Variants in SLC39A12 observed in about 807,000 individuals in gnomAD.
The protein encoded by SLC39A12 is zinc transporter ZIP12.
A neutral mutation model predicts 71.1 loss-of-function variants in SLC39A12; 63 were observed. The ratio of observed to expected loss-of-function variants is 0.89; its 90% CI spans 0.72 to 1.09. The LOEUF (loss-of-function observed/expected upper bound fraction) is 1.09. SLC39A12 is among the 50% of genes least tolerant of loss of function. The pLI is 0.00. For synonymous variants in SLC39A12, 351 were observed against 301.3 expected, an observed-to-expected ratio of 1.16 and a Z score of -1.71; for missense variants, 892 against 812.6, an observed-to-expected ratio of 1.10 and a Z score of -1.19.
At chr10:17,952,458 T>C (rs1834424960) in intron 1 of SLC39A12, among the ~76,000 whole-genome samples, 1 of 151,834 alleles carries the variant, frequency 6.6e-6, no homozygotes, top group South Asian at 2.1e-4. Context: ...CTTTTCCTTG[T>C]CTAAAACTCT....
chr10:17,998,627 T>C (rs1247710313), intron 10 of SLC39A12, among the ~76,000 whole-genome samples: 1 of 152,182 alleles, frequency 6.6e-6, no homozygotes, highest in African/African-American at 2.4e-5. Context: ...TAAAATAAGT[T>C]AGTGAACCAC....
chr10:17,995,849 C>A, intron 10 of SLC39A12, 127 bp downstream of exon 10: 2 of 732,588 alleles, frequency 2.7e-6, no homozygotes, highest in Non-Finnish European at 2.1e-6. Flanking sequence ...AAAAACTTTG[C>A]AATAGGATTT....
At chr10:18,022,624 T>C (rs527454555) in intron 12 of SLC39A12, among the ~76,000 whole-genome samples, 2 of 152,334 alleles carry the variant, frequency 1.3e-5, no homozygotes, top group Non-Finnish European at 2.9e-5. Context: ...CTCAATTCTA[T>C]GTCTTTCATT....
intron 12 of SLC39A12, among the ~76,000 whole-genome samples, chr10:18,014,085 C>G (rs1836311214): frequency 6.6e-6 from 1 of 152,098 alleles, no homozygotes; most frequent in Non-Finnish European, 1.5e-5. Flanking sequence ...ATTTTCCAAT[C>G]CATGAACGTG....
At chr10:17,983,631 A>T (rs1300365244) in intron 6 of SLC39A12, among the ~76,000 whole-genome samples, 2 of 151,940 alleles carry the variant, frequency 1.3e-5, no homozygotes, top group Admixed American at 6.6e-5. Context: ...AAAATACAAA[A>T]ATTAGCTGAG....
chr10:17,987,389 G>T, intron 6 of SLC39A12, 90 bp from the exon 7 acceptor site: 1 of 1,220,852 alleles, frequency 8.2e-7, no homozygotes, highest in Non-Finnish European at 1.2e-6. Context: ...GGCTGTTACT[G>T]TAAGACCAAT....
At chr10:17,956,154 A>C (rs1382143466) in intron 2 of SLC39A12, among the ~76,000 whole-genome samples, 1 of 152,158 alleles carries the variant, frequency 6.6e-6, no homozygotes, top group Admixed American at 6.5e-5. Context: ...TGTGAAAATC[A>C]CACGGACATG....
Position 18,037,064 on chromosome 10 carries a change from G to A in SLC39A12, c.1948-5641G>A, listed in dbSNP as rs542781669. Reference sequence around the variant, plus strand: ...GGCCTCCCAAAGTGCTGGGATTACAGGTGTGAGCCACCATGCCCAGCCTAA... The same window carrying A: ...GGCCTCCCAAAGTGCTGGGATTACAAGTGTGAGCCACCATGCCCAGCCTAA... On this transcript the variant is annotated intron_variant, in intron 12 of 12. Coordinates refer to ENST00000377369, the MANE Select transcript of SLC39A12 (RefSeq NM_001145195.2). 6.6e-5 allele frequency among the ~76,000 whole-genome samples: 10 copies of A among 151,938 alleles called. No homozygotes were observed. In the South Asian group the frequency reaches 2.1e-3, roughly 32 times the overall value.
chr10:17,972,227 T>C (rs1279975230), intron 4 of SLC39A12, among the ~76,000 whole-genome samples: 1 of 152,254 alleles, frequency 6.6e-6, no homozygotes. Flanking sequence ...TTAAAAAATA[T>C]GTTGAGACTA....
At chr10:18,014,833 G>T (rs1836331128) in intron 12 of SLC39A12, among the ~76,000 whole-genome samples, 1 of 152,122 alleles carries the variant, frequency 6.6e-6, no homozygotes, top group African/African-American at 2.4e-5. Flanking sequence ...ACTAACACAG[G>T]TTTACAAATC....
intron 8 of SLC39A12, among the ~76,000 whole-genome samples, chr10:17,992,024 G>A (rs942157586): frequency 6.8e-6 from 1 of 147,078 alleles, no homozygotes; most frequent in Admixed American, 7.0e-5. Context: ...AAGAGGTAGA[G>A]GTTGCAGTGA....
At chr10:17,980,730 GTC>G (rs1835232144) in intron 5 of SLC39A12, among the ~76,000 whole-genome samples, 1 of 152,148 alleles carries the variant, frequency 6.6e-6, no homozygotes, top group East Asian at 1.9e-4. Context: ...CTGTGTGTGT[GTC>G]TCTGTGGAGA....
chr10:17,970,234 T>C (rs1375524411), intron 4 of SLC39A12, among the ~76,000 whole-genome samples: 3 of 152,210 alleles, frequency 2.0e-5, no homozygotes, highest in African/African-American at 4.8e-5. Context: ...TCCTCTAGTT[T>C]GGTTCTTTTG....
intron 4 of SLC39A12, among the ~76,000 whole-genome samples, chr10:17,974,384 C>G (rs2130798798): frequency 6.6e-6 from 1 of 152,268 alleles, no homozygotes; most frequent in African/African-American, 2.4e-5. Flanking sequence ...ACTGTCTGGG[C>G]TTGTTTGTAC....
intron 12 of SLC39A12, among the ~76,000 whole-genome samples, chr10:18,034,158 C>T (rs565273807): frequency 1.3e-5 from 2 of 152,208 alleles, no homozygotes; most frequent in African/African-American, 2.4e-5. Context: ...CTGTAGATGT[C>T]TATTAGGTCC....
chr10:17,960,052 T>C (rs1834647967), intron 2 of SLC39A12, among the ~76,000 whole-genome samples: 1 of 152,154 alleles, frequency 6.6e-6, no homozygotes, highest in Admixed American at 6.5e-5. Flanking sequence ...TATATACCAT[T>C]TTAACAAAGA....
At chr10:18,040,307 C>T (rs926197910) in intron 12 of SLC39A12, among the ~76,000 whole-genome samples, 17 of 152,122 alleles carry the variant, frequency 1.1e-4, no homozygotes, top group African/African-American at 4.1e-4. Context: ...AAATGGTCCA[C>T]CCAGGAGAGC....
intron 12 of SLC39A12, among the ~76,000 whole-genome samples, chr10:18,028,403 T>C (rs982001329): frequency 5.9e-5 from 9 of 152,338 alleles, no homozygotes; most frequent in Non-Finnish European, 1.2e-4. Flanking sequence ...AATGGGTCTT[T>C]AGTGATGCCA....
intron 4 of SLC39A12, among the ~76,000 whole-genome samples, chr10:17,968,238 C>A (rs1235929416): frequency 1.3e-5 from 2 of 152,000 alleles, no homozygotes; most frequent in East Asian, 3.9e-4. Flanking sequence ...ACTTTCTCAT[C>A]TAATTGCGTT....
Sources: gnomAD v4.1 joint callset for allele counts (sites outside exome capture counted in the v4.1 genomes callset) on GRCh38, gnomAD v4.1.1 for gene constraint, MANE v1.5 for transcripts, NCBI Gene and HGNC (gene_info 2026-07-23, HGNC 2026-07-21) for gene names.